SERAC1: variants seen among roughly 807,000 people sequenced by gnomAD.
SERAC1 encodes the protein serine active site containing 1, also known as protein SERAC1.
A neutral mutation model predicts 85.7 loss-of-function variants in SERAC1; 36 were observed. The observed-to-expected ratio is 0.42, with a 90% CI of 0.32 to 0.55. The LOEUF (loss-of-function observed/expected upper bound fraction) is 0.55, where lower values mean the gene tolerates loss of function less well. Among genes scored for constraint, SERAC1 ranks in the 20% least tolerant of loss-of-function variants. The probability of loss-of-function intolerance (pLI) is 0.11; values close to 1 mark genes in which losing one functional copy is unlikely to be tolerated. For synonymous variants in SERAC1, 242 were observed against 265.3 expected (o/e 0.91, Z 0.85); for missense variants, 629 against 796.2 (o/e 0.79, Z 2.53).
Position 158,120,943 on chromosome 6 carries a change from G to C in SERAC1, c.1016-368C>G. The stretch of plus-strand genomic sequence containing the variant: ...TAACAAGAATTATGAAACTCAGTGG[G>C]TTAATACTAGTTATTTCATCCTGAC... On this transcript the variant is annotated intron_variant, in intron 10 of 16. Coordinates refer to ENST00000647468, the MANE Select transcript of SERAC1 (RefSeq NM_032861.4). The surrounding 1 kb of genome is among the most constrained non-coding windows in gnomAD (Gnocchi z 4.4). Among the ~76,000 whole-genome samples, 1 of 152,230 alleles carries C rather than the reference G, an allele frequency of 6.6e-6. No homozygotes were observed. The highest frequency in any genetic ancestry group is 2.1e-4 in the South Asian group (1 of 4,818).
intron 1 of SERAC1, chr6:158,160,899 A>G (rs902480158): frequency 6.6e-6 from 1 of 152,160 alleles, no homozygotes; most frequent in Non-Finnish European, 1.5e-5. Context: ...CAACCTAAAT[A>G]TTTACCAACA....
At chr6:158,146,954 GATA>G in intron 5 of SERAC1, 41 bp from the exon 6 acceptor site, 3 of 1,594,730 alleles carry the variant, frequency 1.9e-6, no homozygotes, top group Non-Finnish European at 2.6e-6. Flanking sequence ...GAAAAGTTAA[GATA>G]ATACTTTTAT....
chr6:158,143,256 CAAAGCCA>C (rs1325057592), intron 7 of SERAC1, 72 bp from the exon 8 acceptor site: 1 of 1,560,986 alleles, frequency 6.4e-7, no homozygotes, highest in Non-Finnish European at 8.6e-7. Flanking sequence ...TCCAAAGACT[CAAAGCCA>C]ATATTTGCCA....
chr6:158,148,167 A>G (rs1386121144), intron 5 of SERAC1, among the ~76,000 whole-genome samples: 1 of 152,158 alleles, frequency 6.6e-6, no homozygotes, highest in Non-Finnish European at 1.5e-5. Context: ...TTTTATTTTC[A>G]CGATGCCAAC....
In SERAC1 at chr6:158,120,319, T is replaced by A; in HGVS notation, c.1166+106A>T. On this transcript the variant is annotated intron_variant, in intron 11 of 16. Transcript: ENST00000647468. This position sits in a 1 kb window ranked among gnomAD's most constrained non-coding sequence, Gnocchi z 4.4. ...TTTAGTAAATAAGATATTTGACTTA[T>A]AAGTTATTTAACTTATCTGAATTAT... is the stretch of plus-strand genomic sequence containing the variant. The A allele has an allele frequency of 8.7e-7, 1 of 1,153,694 alleles. No individual in the cohort carries two copies. Among genetic ancestry groups the A allele is most frequent in the Non-Finnish European group, 1.2e-6 (1 of 835,810 alleles). 71.5% of individuals were successfully genotyped at this position (1,153,694 alleles called of 1,614,324 possible). A position where few individuals can be genotyped will look rare whatever the true frequency, so the allele number is the denominator to read the frequency against.
At chr6:158,135,162 G>A (rs1784761694) in intron 8 of SERAC1, among the ~76,000 whole-genome samples, 1 of 152,142 alleles carries the variant, frequency 6.6e-6, no homozygotes, top group Non-Finnish European at 1.5e-5. Context: ...TCAGGTAAAA[G>A]GAGACTAAAT....
chr6:158,165,765 C>T (rs777210153), intron 1 of SERAC1, among the ~76,000 whole-genome samples: 7 of 152,160 alleles, frequency 4.6e-5, no homozygotes, highest in Non-Finnish European at 8.8e-5. Flanking sequence ...ATCTAAACCA[C>T]GCAGAGTTGC....
intron 2 of SERAC1, among the ~76,000 whole-genome samples, chr6:158,156,524 G>A (rs1338332107): frequency 6.6e-6 from 1 of 151,900 alleles, no homozygotes; most frequent in African/African-American, 2.4e-5. Context: ...GGACAATAAA[G>A]AGAATGGAAC....
At chr6:158,136,478 G>A (rs78528393) in intron 8 of SERAC1, among the ~76,000 whole-genome samples, 3 of 152,102 alleles carry the variant, frequency 2.0e-5, no homozygotes, top group Admixed American at 6.5e-5. Flanking sequence ...GCCTCTGTAC[G>A]TGAGGAGTTT....
chr6:158,125,655 G>A (rs1176526891), intron 10 of SERAC1, among the ~76,000 whole-genome samples: 4 of 152,136 alleles, frequency 2.6e-5, no homozygotes, highest in African/African-American at 9.7e-5. Flanking sequence ...CTTGAGCCTA[G>A]GAGTTTGAGG....
chr6:158,139,176 A>G (rs1391560423), intron 8 of SERAC1, among the ~76,000 whole-genome samples: 3 of 152,172 alleles, frequency 2.0e-5, no homozygotes, highest in Non-Finnish European at 2.9e-5. Context: ...AAGTGCTAGG[A>G]TTACAGACAT....
intron 15 of SERAC1, 37 bp downstream of exon 15, chr6:158,114,752 A>G (rs1339644128): frequency 2.4e-6 from 3 of 1,276,292 alleles, no homozygotes; most frequent in African/African-American, 4.2e-5. Context: ...ACTGATGTTA[A>G]TATAACCCCA....
At chr6:158,150,426 C>T (rs1562455273) in intron 4 of SERAC1, 27 bp downstream of exon 4, 21 of 1,517,486 alleles carry the variant, frequency 1.4e-5, no homozygotes, top group Non-Finnish European at 1.7e-5. Flanking sequence ...CCATTTTTCA[C>T]AGAGGATTAC....
Position 158,116,275 on chromosome 6 carries a change from T to C in SERAC1, c.1411A>G (p.Ile471Val). 1 of 1,613,786 alleles carries C rather than the reference T, an allele frequency of 6.2e-7. No homozygotes were observed. The highest frequency in any genetic ancestry group is 8.5e-7 in the Non-Finnish European group (1 of 1,179,694). Residue 471 changes from isoleucine to valine, a missense_variant, in exon 14 of 17, where the codon ATT becomes GTT. Ile to Val is a conservative substitution (Grantham distance 29). Coordinates refer to ENST00000647468, the MANE Select transcript of SERAC1 (RefSeq NM_032861.4). Reference sequence around the variant, plus strand: ...AGAAGTTCGTTGCTTCTGAATGCAATGGACTTTCTGAACAAAACAAAAACA... The same window carrying C: ...AGAAGTTCGTTGCTTCTGAATGCAACGGACTTTCTGAACAAAACAAAAACA... Reference protein sequence around the residue: ...RARCPMERKSIAFRSNELLRK... With the variant: ...RARCPMERKSVAFRSNELLRK...
chr6:158,167,246 A>G (rs1785620874), intron 1 of SERAC1, among the ~76,000 whole-genome samples: 1 of 123,592 alleles, frequency 8.1e-6, no homozygotes, highest in African/African-American at 3.1e-5. Flanking sequence ...AAAAAAAAAA[A>G]GGCAGCATGA....
rs749222460 is a variant in SERAC1, at chr6:158,111,046, T to C, written c.*320A>G. 8.8e-5 allele frequency: 16 copies of C among 181,464 alleles called. No homozygotes were observed. The highest frequency in any genetic ancestry group is 1.5e-4 in the Non-Finnish European group (13 of 87,260). 11.2% of individuals were successfully genotyped at this position (181,464 alleles called of 1,614,324 possible). ...GCCCCTCCTGGATGCACCAGGAAAGTCACAGATGGGAAAGGACACTCTCTC... is the reference window on the plus strand; with the variant it reads ...GCCCCTCCTGGATGCACCAGGAAAGCCACAGATGGGAAAGGACACTCTCTC... On this transcript the variant is annotated 3_prime_UTR_variant, in exon 17 of 17. Coordinates refer to ENST00000647468, the MANE Select transcript of SERAC1 (RefSeq NM_032861.4).
intron 8 of SERAC1, among the ~76,000 whole-genome samples, chr6:158,132,160 A>G (rs1304975484): frequency 6.6e-6 from 1 of 152,168 alleles, no homozygotes; most frequent in Non-Finnish European, 1.5e-5. Flanking sequence ...GAGGACAACT[A>G]CAAGGTAATG....
At chr6:158,167,071 C>A (rs1240230676) in intron 1 of SERAC1, among the ~76,000 whole-genome samples, 1 of 151,786 alleles carries the variant, frequency 6.6e-6, no homozygotes, top group Admixed American at 6.6e-5. Flanking sequence ...ATAAAAGATA[C>A]TTGGGAAGAA....
Position 158,114,975 on chromosome 6 carries a change from G to A in SERAC1, c.1502-4C>T. On this transcript the variant is annotated splice_polypyrimidine_tract_variant and splice_region_variant and intron_variant, in intron 14 of 16. Transcript: ENST00000647468. Reference sequence around the variant, plus strand: ...AGCATCTTTTTGACAAGAAGACCTAGCCACAGACAAGGGAAAAAAACAATG... The same window carrying A: ...AGCATCTTTTTGACAAGAAGACCTAACCACAGACAAGGGAAAAAAACAATG... 1 of 1,603,802 alleles carries A rather than the reference G, an allele frequency of 6.2e-7. No individual in the cohort carries two copies. Among genetic ancestry groups the A allele is most frequent in the Non-Finnish European group, 8.5e-7 (1 of 1,176,056 alleles).
Sources: allele counts gnomAD v4.1 joint callset (sites outside exome capture counted in the v4.1 genomes callset), GRCh38; gene constraint gnomAD v4.1.1; non-coding constraint Gnocchi (gnomAD v3.1); transcripts MANE v1.5; gene names NCBI Gene and HGNC (gene_info 2026-07-23, HGNC 2026-07-21).